The following ADD3 variants were observed in gnomAD, a reference collection of about 807,000 sequenced individuals.
The protein encoded by ADD3 is gamma-adducin.
In ADD3, 25 loss-of-function variants were observed where a neutral mutation model predicts 80.2. The ratio of observed to expected loss-of-function variants is 0.31; its 90% CI spans 0.23 to 0.44. The LOEUF (loss-of-function observed/expected upper bound fraction) is 0.44, where lower values mean the gene tolerates loss of function less well. ADD3 is among the 20% of genes least tolerant of loss of function. ADD3 has a pLI of 1.00. For synonymous variants in ADD3, 284 were observed against 289.6 expected (o/e 0.98, Z 0.20); for missense variants, 829 against 847.5 (o/e 0.98, Z 0.27).
intron 2 of ADD3, among the ~76,000 whole-genome samples, chr10:110,104,026 A>G (rs1849137237): frequency 6.6e-6 from 1 of 152,234 alleles, no homozygotes; most frequent in African/African-American, 2.4e-5. Context: ...ATCTAAATGT[A>G]GTCCAGCTGC....
chr10:110,073,808 C>G (rs575836983), intron 1 of ADD3, among the ~76,000 whole-genome samples: 2 of 152,322 alleles, frequency 1.3e-5, no homozygotes, highest in African/African-American at 4.8e-5. Context: ...TCTGTGCTAT[C>G]TGTTGGAATA....
At chr10:110,080,978 A>G (rs1294010906) in intron 1 of ADD3, among the ~76,000 whole-genome samples, 1 of 152,176 alleles carries the variant, frequency 6.6e-6, no homozygotes, top group African/African-American at 2.4e-5. Context: ...CCTGTTTCAC[A>G]GTTTTAGTTT....
At chr10:110,064,491 G>C (rs1843662090) in intron 1 of ADD3, among the ~76,000 whole-genome samples, 1 of 152,132 alleles carries the variant, frequency 6.6e-6, no homozygotes, top group African/African-American at 2.4e-5. Flanking sequence ...TATAACTAAT[G>C]ATGATGGGCA....
Position 110,100,626 on chromosome 10 carries a change from T to C in ADD3, c.-28T>C, listed in dbSNP as rs763157652. The C allele has an allele frequency of 6.5e-7, 1 of 1,544,768 alleles. No homozygotes were observed. The highest frequency in any genetic ancestry group is 8.7e-7 in the Non-Finnish European group (1 of 1,149,240). On this transcript the variant is annotated splice_region_variant and 5_prime_UTR_variant, in exon 2 of 15. Transcript: ENST00000356080. ...CCTTCTTTGTGTTTATTAATGCAGA[T>C]AACAAGAGTAATCCACAGACTTAAA...
chr10:110,076,914 T>C (rs896356951), intron 1 of ADD3: 2 of 152,174 alleles, frequency 1.3e-5, no homozygotes, highest in African/African-American at 4.8e-5. Flanking sequence ...CTCTGAAAAA[T>C]GTGTGGCAAT....
chr10:110,023,916 A>G (rs1853979962), intron 1 of ADD3, among the ~76,000 whole-genome samples: 1 of 152,222 alleles, frequency 6.6e-6, no homozygotes, highest in South Asian at 2.1e-4. Flanking sequence ...TAACACAGGA[A>G]CAGAAAACCA....
intron 1 of ADD3, among the ~76,000 whole-genome samples, chr10:110,016,912 A>G (rs1179384840): frequency 1.3e-5 from 2 of 152,236 alleles, no homozygotes; most frequent in Admixed American, 1.3e-4. Context: ...CCAGACAAGA[A>G]GGAACTTTGA....
At chr10:110,056,448 T>C (rs944845950) in intron 1 of ADD3, among the ~76,000 whole-genome samples, 4 of 152,240 alleles carry the variant, frequency 2.6e-5, no homozygotes, top group Non-Finnish European at 4.4e-5. Context: ...CCCCATTTTA[T>C]ATTGGGAATT....
chr10:110,029,692 A>G (rs920880883), intron 1 of ADD3, among the ~76,000 whole-genome samples: 5 of 152,226 alleles, frequency 3.3e-5, no homozygotes, highest in Non-Finnish European at 7.3e-5. Flanking sequence ...TGCCAGTAGC[A>G]TCTGGTTGCA....
intron 1 of ADD3, among the ~76,000 whole-genome samples, chr10:110,096,314 CTCCAGTAGCAGT>C (rs1848145762): frequency 8.3e-6 from 1 of 120,570 alleles, no homozygotes; most frequent in African/African-American, 7.8e-5. Context: ...TCTCTCCAGT[CTCCAGTAGCAGT>C]CTCCTCACTG....
rs139466147 is a variant in ADD3 at position 110,008,487 on chromosome 10, G to T, written c.-30+188G>T. 6.1e-3 allele frequency: 938 copies of T among 152,556 alleles called. 4 individuals carry two copies. The highest frequency in any genetic ancestry group is 0.014 in the Middle Eastern group (4 of 296). The allele number at this position is 152,556 out of a possible 1,614,324, so 9.5% of individuals were successfully genotyped here. A position where few individuals can be genotyped will look rare whatever the true frequency, so the allele number is the denominator to read the frequency against. ...GGCCTCAGGTGAACCCTTTTCCGGG[G>T]CGGGAGTGGGGACCACGGCCAGGCC... On this transcript the variant is annotated intron_variant, in intron 1 of 14. Coordinates refer to ENST00000356080, the MANE Select transcript of ADD3 (RefSeq NM_016824.5).
intron 2 of ADD3, among the ~76,000 whole-genome samples, chr10:110,101,349 T>C (rs1027968163): frequency 2.0e-5 from 3 of 152,078 alleles, no homozygotes; most frequent in Non-Finnish European, 4.4e-5. Flanking sequence ...AAAAGTAGAT[T>C]ATAGGCCAGG....
chr10:110,088,499 C>T (rs1182835183), intron 1 of ADD3, among the ~76,000 whole-genome samples: 1 of 152,152 alleles, frequency 6.6e-6, no homozygotes, highest in Non-Finnish European at 1.5e-5. Context: ...CAATATTAGG[C>T]GTTTCATAAA....
intron 1 of ADD3, among the ~76,000 whole-genome samples, chr10:110,065,005 C>G (rs1168520572): frequency 1.3e-5 from 2 of 151,916 alleles, no homozygotes; most frequent in African/African-American, 2.4e-5. Flanking sequence ...TTGCAGTGAG[C>G]TGAGATCTTG....
intron 1 of ADD3, among the ~76,000 whole-genome samples, chr10:110,064,233 C>A (rs527565916): frequency 6.6e-6 from 1 of 152,136 alleles, no homozygotes; most frequent in African/African-American, 2.4e-5. Context: ...TTGTTCATAT[C>A]CATGCAGCTC....
At chr10:110,052,375 G>C (rs960094698) in intron 1 of ADD3, among the ~76,000 whole-genome samples, 1 of 152,162 alleles carries the variant, frequency 6.6e-6, no homozygotes, top group Non-Finnish European at 1.5e-5. Flanking sequence ...TGTGTGGCAG[G>C]CAAGTGAGCA....
intron 1 of ADD3, among the ~76,000 whole-genome samples, chr10:110,036,554 A>G (rs1855682379): frequency 6.6e-6 from 1 of 150,944 alleles, no homozygotes; most frequent in African/African-American, 2.4e-5. Context: ...TAATTTTTGT[A>G]TTTTTAGTAG....
chr10:110,100,625 A>G lies in ADD3; in HGVS notation c.-29A>G, dbSNP rs775676054. 1 of 1,523,496 alleles carries G rather than the reference A, an allele frequency of 6.6e-7. No homozygotes were observed. Among genetic ancestry groups the G allele is most frequent in the Admixed American group, 2.2e-5 (1 of 44,548 alleles). 94.4% of individuals were successfully genotyped at this position (1,523,496 alleles called of 1,614,324 possible). A position where few individuals can be genotyped will look rare whatever the true frequency, so the allele number is the denominator to read the frequency against. ...TCCTTCTTTGTGTTTATTAATGCAG[A>G]TAACAAGAGTAATCCACAGACTTAA... On this transcript the variant is annotated splice_region_variant and 5_prime_UTR_variant, in exon 2 of 15. Coordinates refer to ENST00000356080, the MANE Select transcript of ADD3 (RefSeq NM_016824.5).
At chr10:110,032,419 T>A (rs752120626) in intron 1 of ADD3, among the ~76,000 whole-genome samples, 7 of 151,980 alleles carry the variant, frequency 4.6e-5, no homozygotes, top group Non-Finnish European at 8.8e-5. Context: ...GGTGGTGACT[T>A]TGGAAAGATA....
Sources: gnomAD v4.1 joint callset for allele counts (sites outside exome capture counted in the v4.1 genomes callset) on GRCh38, gnomAD v4.1.1 for gene constraint, MANE v1.5 for transcripts, NCBI Gene and HGNC (gene_info 2026-07-23, HGNC 2026-07-21) for gene names.